Variants in ARMC12 observed in about 807,000 individuals in gnomAD.
ARMC12 encodes the protein armadillo repeat containing 12, also known as armadillo repeat-containing protein 12.
A neutral mutation model predicts 37.4 loss-of-function variants in ARMC12; 25 were observed. The ratio of observed to expected loss-of-function variants is 0.67; its 90% confidence interval spans 0.49 to 0.93. The LOEUF (loss-of-function observed/expected upper bound fraction) is 0.93. Ranked by LOEUF, ARMC12 falls within the 40% of genes least tolerant of loss-of-function variation. The pLI, the probability that ARMC12 is intolerant of heterozygous loss-of-function variation, is 0.00. For synonymous variants in ARMC12, 167 were observed against 176.1 expected (o/e 0.95, Z 0.41); for missense variants, 384 against 426.6 (o/e 0.90, Z 0.88).
At position 35,747,279 on chromosome 6, in the gene ARMC12, C is replaced by G. The variant is rs748483610; in HGVS notation, c.463C>G (p.Leu155Val). Residue 155 changes from leucine (L) to valine (V), a missense_variant, in exon 4 of 6, where the codon CTC (leucine) becomes GTC (valine). By Grantham distance (32) the Leu-to-Val change is conservative. Coordinates refer to ENST00000373866, the MANE Select transcript of ARMC12 (RefSeq NM_001286574.2). ...ACTCCAGGAACACTCCATCAAAGTA[C>G]TCGAACTGATCTCCACCATCTGGGA... ...LKIQEHSIKV[L>V]ELISTIWDTE... 1 of 1,612,388 alleles carries G rather than the reference C, an allele frequency of 6.2e-7. No individual in the cohort carries two copies. The highest frequency in any genetic ancestry group is 1.1e-5 in the South Asian group (1 of 90,994).
chr6:35,740,360 C>T (rs1274356991), intron 3 of ARMC12, among the ~76,000 whole-genome samples: 1 of 152,086 alleles, frequency 6.6e-6, no homozygotes, highest in African/African-American at 2.4e-5. Context: ...TCAATCCTGC[C>T]TCCCACCCCT....
upstream of ARMC12, among the ~76,000 whole-genome samples, chr6:35,732,052 G>C (rs557966419): frequency 9.9e-5 from 15 of 152,236 alleles, no homozygotes; most frequent in East Asian, 1.9e-4. Context: ...ATGCGCGCGG[G>C]GGGAGGAGGT....
At chr6:35,743,047 T>C (rs1307252176) in intron 3 of ARMC12, among the ~76,000 whole-genome samples, 1 of 152,036 alleles carries the variant, frequency 6.6e-6, no homozygotes, top group Non-Finnish European at 1.5e-5. Flanking sequence ...GACTCCAACC[T>C]GTCCTGCGGG....
intron 3 of ARMC12, among the ~76,000 whole-genome samples, chr6:35,746,161 AG>A (rs1213267169): frequency 1.3e-5 from 2 of 152,288 alleles, no homozygotes; most frequent in African/African-American, 2.4e-5. Flanking sequence ...GTGGTAAGGA[AG>A]GCTGGGATGG....
chr6:35,733,065 G>A (rs1396895481), upstream of ARMC12, among the ~76,000 whole-genome samples: 1 of 152,170 alleles, frequency 6.6e-6, no homozygotes, highest in East Asian at 1.9e-4. Flanking sequence ...CCAGCAACTT[G>A]GTAAACTGAG....
intron 2 of ARMC12, 91 bp from the exon 3 acceptor site, chr6:35,738,293 G>GGTGTGC: frequency 7.0e-7 from 1 of 1,431,964 alleles, no homozygotes; most frequent in Non-Finnish European, 9.4e-7. Context: ...CGGTGGGGGG[G>GGTGTGC]GGGTGTGCGG....
chr6:35,745,120 C>A (rs1251824956), intron 3 of ARMC12, among the ~76,000 whole-genome samples: 5 of 152,138 alleles, frequency 3.3e-5, no homozygotes, highest in African/African-American at 4.8e-5. Context: ...AACTCTTGGG[C>A]CTTTATCCTA....
intron 3 of ARMC12, among the ~76,000 whole-genome samples, chr6:35,745,657 C>T (rs1056670112): frequency 6.6e-6 from 1 of 152,220 alleles, no homozygotes; most frequent in African/African-American, 2.4e-5. Context: ...TGCTATTATA[C>T]TATAATGCAA....
At chr6:35,732,468 A>G (rs1766857417), upstream of ARMC12, among the ~76,000 whole-genome samples, 1 of 152,136 alleles carries the variant, frequency 6.6e-6, no homozygotes, top group Non-Finnish European at 1.5e-5. Flanking sequence ...ATTTGTCCAA[A>G]CCCCACACTG....
chr6:35,736,697 T>C, upstream of ARMC12: 1 of 211,622 alleles, frequency 4.7e-6, no homozygotes, highest in Admixed American at 5.2e-5. Context: ...AACCTCAACC[T>C]CCCAGGCTTA....
At chr6:35,744,843 A>G (rs1429733439) in intron 3 of ARMC12, among the ~76,000 whole-genome samples, 18 of 152,222 alleles carry the variant, frequency 1.2e-4, no homozygotes, top group Admixed American at 1.2e-3. Context: ...AAGAGGATAT[A>G]TGGATGGCAA....
At chr6:35,747,685 C>T in intron 5 of ARMC12, 38 bp downstream of exon 5, 2 of 1,593,076 alleles carry the variant, frequency 1.3e-6, no homozygotes, top group Non-Finnish European at 1.7e-6. Context: ...TGAATGCCAA[C>T]TCAGGTATAG....
chr6:35,748,821 G>C lies in ARMC12; in HGVS notation c.974G>C (p.Arg325Pro), dbSNP rs747053477. 1 of 1,613,828 alleles carries C rather than the reference G, an allele frequency of 6.2e-7. No individual in the cohort carries two copies. ...SLQYPQDLRA[R>P]PSSCQPSRSY... ...CAGTATCCCCAGGACTTGAGAGCCCGGCCCTCCTCCTGCCAGCCCAGTCGT... is the reference window on the plus strand; with the variant it reads ...CAGTATCCCCAGGACTTGAGAGCCCCGCCCTCCTCCTGCCAGCCCAGTCGT... Residue 325 changes from arginine (R) to proline (P), a missense_variant, in exon 6 of 6, where the codon CGG becomes CCG. Coordinates refer to ENST00000373866, the MANE Select transcript of ARMC12 (RefSeq NM_001286574.2).
At chr6:35,738,299 T>A in intron 2 of ARMC12, 85 bp from the exon 3 acceptor site, 1 of 1,243,806 alleles carries the variant, frequency 8.0e-7, no homozygotes, top group African/African-American at 1.9e-5. Flanking sequence ...GGGGGGGGTG[T>A]GCGGAGGGAT....
intron 2 of ARMC12, 43 bp downstream of exon 2, chr6:35,738,215 G>A (rs770873118): frequency 2.5e-5 from 40 of 1,599,232 alleles, no homozygotes; most frequent in Non-Finnish European, 3.2e-5. Context: ...CTGGCCCCTG[G>A]GGGTTACGGC....
At chr6:35,747,692 A>G in intron 5 of ARMC12, 45 bp downstream of exon 5, 1 of 1,579,612 alleles carries the variant, frequency 6.3e-7, no homozygotes, top group Non-Finnish European at 8.7e-7. Context: ...CAACTCAGGT[A>G]TAGGGGGAGG....
chr6:35,739,352 G>A (rs762802542), intron 3 of ARMC12, among the ~76,000 whole-genome samples: 8 of 152,184 alleles, frequency 5.3e-5, no homozygotes, highest in Non-Finnish European at 8.8e-5. Flanking sequence ...ATCTAAAGAC[G>A]TGATTAACTT....
chr6:35,737,083 C>T lies in ARMC12; in HGVS notation c.-26C>T, dbSNP rs780393412. ...ACAGGTGCCTTGGGCCTAGCTCTCA[C>T]CTGGGCCCAGGGCAACACTGAAGAC... On this transcript the variant is annotated 5_prime_UTR_variant, in exon 1 of 6. Transcript: ENST00000373866. The T allele has an allele frequency of 3.1e-6, 5 of 1,612,808 alleles. No individual in the cohort carries two copies. In the East Asian group the frequency reaches 6.7e-5, roughly 22 times the overall value.
chr6:35,748,548 A>G lies in ARMC12; in HGVS notation c.701A>G (p.Asn234Ser), dbSNP rs375855156. The G allele has an allele frequency of 1.7e-5, 26 of 1,492,902 alleles. No individual in the cohort carries two copies. Among genetic ancestry groups the G allele is most frequent in the Non-Finnish European group, 2.2e-5 (25 of 1,120,014 alleles). The allele number at this position is 1,492,902 out of a possible 1,614,324, so 92.5% of individuals were successfully genotyped here. ...CTATTCCCATCACAGGTTCACTCCA[A>G]CTTCCTAAACCTGTTCCAGCCCACA... is the stretch of plus-strand genomic sequence containing the variant. ...YDILNCQVHSNFLNLFQPTQS... is the reference protein window; with the variant it reads ...YDILNCQVHSSFLNLFQPTQS... The change falls in exon 6 of 6, where the codon AAC (asparagine) becomes AGC (serine). Residue 234 changes from asparagine (N) to serine (S), a missense_variant. Coordinates refer to ENST00000373866, the MANE Select transcript of ARMC12 (RefSeq NM_001286574.2).
Sources: gnomAD v4.1 joint callset for allele counts (sites outside exome capture counted in the v4.1 genomes callset) on GRCh38, gnomAD v4.1.1 for gene constraint, MANE v1.5 for transcripts, NCBI Gene and HGNC (gene_info 2026-07-23, HGNC 2026-07-21) for gene names.